FOXP2: variants seen among roughly 807,000 people sequenced by gnomAD.
FOXP2 encodes forkhead box protein P2.
Under a neutral mutation model 115.8 loss-of-function variants are expected in FOXP2, and 12 were observed. That is an observed-to-expected ratio of 0.10 (90% confidence interval 0.07 to 0.17). The LOEUF (loss-of-function observed/expected upper bound fraction) is 0.17, where lower values mean the gene tolerates loss of function less well. FOXP2 is among the 10% of genes least tolerant of loss of function. The probability of loss-of-function intolerance (pLI) is 1.00; values close to 1 mark genes in which losing one functional copy is unlikely to be tolerated. For missense variants in FOXP2, 629 were observed against 843.5 expected (o/e 0.75, Z 3.15); for synonymous variants, 328 against 297.7 (o/e 1.10, Z -1.05).
At chr7:114,223,430 T>G (rs1441095933) in intron 1 of FOXP2, among the ~76,000 whole-genome samples, 1 of 149,340 alleles carries the variant, frequency 6.7e-6, no homozygotes, top group Non-Finnish European at 1.5e-5. Context: ...CCCATTTTAC[T>G]TTGGTGTTAT....
intron 1 of FOXP2, among the ~76,000 whole-genome samples, chr7:114,266,328 CTA>C: frequency 6.6e-6 from 1 of 152,238 alleles, no homozygotes; most frequent in East Asian, 1.9e-4. Flanking sequence ...TCTTGCTTTG[CTA>C]TAGAGGAAAT....
chr7:114,656,949 A>G (rs1319572385), intron 10 of FOXP2, among the ~76,000 whole-genome samples: 1 of 152,190 alleles, frequency 6.6e-6, no homozygotes, highest in Admixed American at 6.5e-5. Context: ...TATAAACAAA[A>G]GCTGAATATT....
chr7:114,585,584 A>AT (rs1563016450), intron 3 of FOXP2, among the ~76,000 whole-genome samples: 14 of 148,896 alleles, frequency 9.4e-5, no homozygotes. Context: ...AAAAAAAAAA[A>AT]GCCAGGCATG....
intron 3 of FOXP2, among the ~76,000 whole-genome samples, chr7:114,540,985 G>A (rs1002958854): frequency 1.3e-5 from 2 of 152,038 alleles, no homozygotes; most frequent in Non-Finnish European, 2.9e-5. Flanking sequence ...ATGAGGAAGT[G>A]AAATTATCAA....
chr7:114,114,953 G>C (rs929046888), intron 1 of FOXP2, among the ~76,000 whole-genome samples: 1 of 152,040 alleles, frequency 6.6e-6, no homozygotes, highest in Admixed American at 6.6e-5. Context: ...ATTTGAAAAC[G>C]TTTGTGTAAA....
intron 1 of FOXP2, among the ~76,000 whole-genome samples, chr7:114,132,396 A>G (rs1562974751): frequency 6.6e-6 from 1 of 152,160 alleles, no homozygotes; most frequent in Non-Finnish European, 1.5e-5. Flanking sequence ...CATTGAAGAT[A>G]CAGCAGAGAA....
intron 2 of FOXP2, among the ~76,000 whole-genome samples, chr7:114,502,491 G>A (rs1467912666): frequency 6.6e-6 from 1 of 152,010 alleles, no homozygotes; most frequent in African/African-American, 2.4e-5. Context: ...CAATTTTTAT[G>A]GAAGGCTGAA....
At chr7:114,674,672 G>T (rs1807666845) in intron 16 of FOXP2, among the ~76,000 whole-genome samples, 1 of 152,114 alleles carries the variant, frequency 6.6e-6, no homozygotes, top group African/African-American at 2.4e-5. Flanking sequence ...GCTGATAAAA[G>T]TTAAGAACAT....
rs1442766261 is a variant in FOXP2 at position 114,184,782 on chromosome 7, G to T, written c.-102+21694G>T. Among the ~76,000 whole-genome samples the T allele has an allele frequency of 3.9e-5, 6 of 152,228 alleles. No homozygotes were observed. The East Asian group carries it at 1.2e-3, about 29-fold the overall frequency. On this transcript the variant is annotated intron_variant, in intron 1 of 17. Coordinates refer to the FOXP2 transcript ENST00000634411. ...CATGCTGTAATATATATGCAAAACT[G>T]CCAAGGGAAACTGTTTTTCCGTTTG... is the stretch of plus-strand genomic sequence containing the variant.
intron 2 of FOXP2, among the ~76,000 whole-genome samples, chr7:114,334,931 C>CTATATCTATATATA: frequency 8.4e-6 from 1 of 119,326 alleles, no homozygotes; most frequent in East Asian, 3.0e-4. Context: ...ATATAGAAAT[C>CTATATCTATATATA]TATATATATA....
chr7:114,325,407 AGC>A (rs1797531341), intron 2 of FOXP2, among the ~76,000 whole-genome samples: 1 of 151,958 alleles, frequency 6.6e-6, no homozygotes. Context: ...ACAAAATATA[AGC>A]AAAAATGGCA....
chr7:114,454,958 A>T (rs1204058722), intron 2 of FOXP2, among the ~76,000 whole-genome samples: 1 of 148,260 alleles, frequency 6.7e-6, no homozygotes, highest in Non-Finnish European at 1.5e-5. Context: ...AGCATGGCAC[A>T]TGTATACATA....
chr7:114,322,728 ATC>A (rs1200006501), intron 2 of FOXP2, among the ~76,000 whole-genome samples: 2 of 152,198 alleles, frequency 1.3e-5, no homozygotes, highest in Non-Finnish European at 2.9e-5. Context: ...GTGGTACTTT[ATC>A]TCATACAAAC....
At chr7:114,502,387 A>G (rs1411727470) in intron 2 of FOXP2, among the ~76,000 whole-genome samples, 2 of 152,080 alleles carry the variant, frequency 1.3e-5, no homozygotes, top group Admixed American at 1.3e-4. Flanking sequence ...ATCTATCCCA[A>G]ATTACTTTGT....
At chr7:114,243,954 G>A (rs1187271469) in intron 1 of FOXP2, among the ~76,000 whole-genome samples, 1 of 150,854 alleles carries the variant, frequency 6.6e-6, no homozygotes, top group Non-Finnish European at 1.5e-5. Flanking sequence ...TTTAGGAGAT[G>A]GCGAGATTAG....
Position 114,191,939 on chromosome 7 carries a change from T to C in FOXP2, c.-102+28851T>C, listed in dbSNP as rs182711893. On this transcript the variant is annotated intron_variant, in intron 1 of 17. Transcript: ENST00000634411. ...CTCTCCTCCTTGAGCCCCTGACTTATTGAACCACTGAATTTATTACTGTCT... is the reference window on the plus strand; with the variant it reads ...CTCTCCTCCTTGAGCCCCTGACTTACTGAACCACTGAATTTATTACTGTCT... Among the ~76,000 whole-genome samples the C allele has an allele frequency of 1.1e-3, 167 of 152,294 alleles. 1 individual carries two copies. Among genetic ancestry groups the C allele is most frequent in the Non-Finnish European group, 1.9e-3 (130 of 68,022 alleles).
chr7:114,401,690 C>G (rs923587888), intron 2 of FOXP2, among the ~76,000 whole-genome samples: 1 of 152,140 alleles, frequency 6.6e-6, no homozygotes, highest in East Asian at 1.9e-4. Context: ...ATCTCTCACC[C>G]ATGGCTAAAG....
intron 1 of FOXP2, chr7:114,285,386 C>T (rs1290637992): frequency 1.3e-5 from 2 of 151,976 alleles, no homozygotes; most frequent in African/African-American, 4.8e-5. Flanking sequence ...ATGCTTATTG[C>T]TATTTCTTCA....
intron 2 of FOXP2, among the ~76,000 whole-genome samples, chr7:114,501,067 A>G (rs997926759): frequency 2.8e-4 from 42 of 152,132 alleles, no homozygotes; most frequent in African/African-American, 1.0e-3. Flanking sequence ...CATGAAATTG[A>G]AAAAGAATCA....
Sources: gnomAD v4.1 joint callset for allele counts (sites outside exome capture counted in the v4.1 genomes callset) on GRCh38, gnomAD v4.1.1 for gene constraint, MANE v1.5 for transcripts, NCBI Gene and HGNC (gene_info 2026-07-23, HGNC 2026-07-21) for gene names.